Variants in FAM240B observed in about 807,000 individuals in gnomAD.
The protein encoded by FAM240B is family with sequence similarity 240 member B.
chr9:38,719,659 G>A (rs866958427), intron 1 of FAM240B, among the ~76,000 whole-genome samples: 1 of 152,120 alleles, frequency 6.6e-6, no homozygotes, highest in Non-Finnish European at 1.5e-5. Flanking sequence ...CATCTACAAT[G>A]AACATTTCCT....
At chr9:38,719,742 G>T (rs1821350202) in intron 1 of FAM240B, among the ~76,000 whole-genome samples, 1 of 152,154 alleles carries the variant, frequency 6.6e-6, no homozygotes, top group Admixed American at 6.5e-5. Context: ...GCCTTGCTCT[G>T]TGAGATTTAC....
chr9:38,710,847 G>T lies in FAM240B; in HGVS notation c.-3-6845C>A, dbSNP rs539016975. ...CTCACCTTCAATTCCCACAACAAGC[G>T]TCTTCTTATCCTCATTTTACAGAGG... is the stretch of plus-strand genomic sequence containing the variant. On this transcript the variant is annotated intron_variant, in intron 1 of 2. Coordinates refer to ENST00000637493, the MANE Select transcript of FAM240B (RefSeq NM_001394922.1). Among the ~76,000 whole-genome samples, 7 of 152,168 alleles carry T rather than the reference G, an allele frequency of 4.6e-5. No homozygotes were observed. The South Asian group carries it at 1.5e-3, about 32-fold the overall frequency.
At chr9:38,719,863 T>A (rs1821351638) in intron 1 of FAM240B, among the ~76,000 whole-genome samples, 159 bp downstream of exon 1, 1 of 152,212 alleles carries the variant, frequency 6.6e-6, no homozygotes, top group South Asian at 2.1e-4. Context: ...GGCCCATCTG[T>A]TATTCCCAAC....
chr9:38,712,186 G>A (rs1351759184), intron 1 of FAM240B, among the ~76,000 whole-genome samples: 3 of 152,106 alleles, frequency 2.0e-5, no homozygotes, highest in Non-Finnish European at 2.9e-5. Context: ...TATACTGGAC[G>A]TGTCCACAAT....
At chr9:38,718,686 A>G (rs1419040584) in intron 1 of FAM240B, among the ~76,000 whole-genome samples, 1 of 152,200 alleles carries the variant, frequency 6.6e-6, no homozygotes, top group Non-Finnish European at 1.5e-5. Flanking sequence ...TTAAATAAAC[A>G]TAAACATTAA....
At chr9:38,707,788 G>T (rs368545125) in intron 1 of FAM240B, among the ~76,000 whole-genome samples, 3 of 109,234 alleles carry the variant, frequency 2.7e-5, no homozygotes, top group African/African-American at 6.5e-5. Flanking sequence ...AGCAAGACTC[G>T]GTCTCAAAAA....
At position 38,717,388 on chromosome 9, in the gene FAM240B, G is replaced by A. The variant is rs771968920; in HGVS notation, c.-4+2634C>T. On this transcript the variant is annotated intron_variant, in intron 1 of 2. Transcript: ENST00000637493. ...GAGGTCAGGAGATCGAGACCATCCT[G>A]GCCAACAGGGTGAAACCCCGTCTCT... Among the ~76,000 whole-genome samples, 17 of 151,984 alleles carry A rather than the reference G, an allele frequency of 1.1e-4. 1 individual carries two copies. The highest frequency in any genetic ancestry group is 6.2e-4 in the South Asian group (3 of 4,814).
chr9:38,696,635 C>T (rs548933709), intron 2 of FAM240B, among the ~76,000 whole-genome samples: 29 of 152,052 alleles, frequency 1.9e-4, no homozygotes, highest in Non-Finnish European at 3.8e-4. Flanking sequence ...TGGTGAAACC[C>T]CACCTCTACT....
intron 1 of FAM240B, among the ~76,000 whole-genome samples, chr9:38,713,806 G>C (rs1821283200): frequency 6.6e-6 from 1 of 152,200 alleles, no homozygotes; most frequent in African/African-American, 2.4e-5. Flanking sequence ...AGGTGCATCT[G>C]GCTGATGCTA....
At chr9:38,704,081 G>A (rs1202073425) in intron 1 of FAM240B, 79 bp from the exon 2 acceptor site, 5 of 390,310 alleles carry the variant, frequency 1.3e-5, no homozygotes, top group Non-Finnish European at 2.2e-5. Context: ...AGATGAGCTT[G>A]CATGTAGACA....
chr9:38,695,442 G>A (rs1266553786), intron 2 of FAM240B, among the ~76,000 whole-genome samples: 9 of 152,298 alleles, frequency 5.9e-5, no homozygotes, highest in Admixed American at 3.3e-4. Flanking sequence ...GGAGAATGGC[G>A]TGAACCTGGG....
At chr9:38,697,313 C>T (rs1444386769) in intron 2 of FAM240B, among the ~76,000 whole-genome samples, 2 of 152,152 alleles carry the variant, frequency 1.3e-5, no homozygotes, top group South Asian at 2.1e-4. Flanking sequence ...TGGGCATGGC[C>T]GTGGTATTAA....
intron 1 of FAM240B, among the ~76,000 whole-genome samples, chr9:38,718,100 A>G (rs1821330018): frequency 6.6e-6 from 1 of 152,184 alleles, no homozygotes; most frequent in Admixed American, 6.5e-5. Context: ...CTAAGAAAAT[A>G]TTTGCTTGTC....
chr9:38,711,904 T>C (rs1186308392), intron 1 of FAM240B, among the ~76,000 whole-genome samples: 2 of 152,034 alleles, frequency 1.3e-5, no homozygotes, highest in Non-Finnish European at 2.9e-5. Context: ...GATCCGCCCG[T>C]CTCGGCCTCC....
chr9:38,700,036 T>A (rs1821107737), intron 2 of FAM240B, among the ~76,000 whole-genome samples: 1 of 152,222 alleles, frequency 6.6e-6, no homozygotes, highest in Non-Finnish European at 1.5e-5. Context: ...TGCAGCTCAC[T>A]GGCTGCATCT....
At chr9:38,696,804 A>G (rs1358710367) in intron 2 of FAM240B, among the ~76,000 whole-genome samples, 1 of 152,188 alleles carries the variant, frequency 6.6e-6, no homozygotes, top group East Asian at 1.9e-4. Flanking sequence ...ACAGACGGAG[A>G]CACCGTCTCA....
chr9:38,702,256 C>G (rs1384948618), intron 2 of FAM240B, among the ~76,000 whole-genome samples: 1 of 152,156 alleles, frequency 6.6e-6, no homozygotes, highest in Non-Finnish European at 1.5e-5. Flanking sequence ...GTCCATTAGG[C>G]CACCAGGAGT....
intron 2 of FAM240B, among the ~76,000 whole-genome samples, chr9:38,697,030 C>T (rs1025756518): frequency 3.3e-5 from 5 of 152,168 alleles, no homozygotes; most frequent in African/African-American, 9.7e-5. Flanking sequence ...AAATCTGCCA[C>T]CAAATACATG....
intron 1 of FAM240B, among the ~76,000 whole-genome samples, chr9:38,718,516 G>C (rs1821333836): frequency 6.6e-6 from 1 of 152,048 alleles, no homozygotes; most frequent in Non-Finnish European, 1.5e-5. Context: ...ATATCTGAAT[G>C]GACCACCTTA....
Sources: allele counts gnomAD v4.1 joint callset (sites outside exome capture counted in the v4.1 genomes callset), GRCh38; gene constraint gnomAD v4.1.1; transcripts MANE v1.5; gene names NCBI Gene and HGNC (gene_info 2026-07-23, HGNC 2026-07-21).